SLCO5A1: variants seen among roughly 807,000 people sequenced by gnomAD.
SLCO5A1 encodes the protein organic anion transporter polypeptide-related protein 4.
In SLCO5A1, 39 loss-of-function variants were observed where a neutral mutation model predicts 65.1. The observed-to-expected ratio is 0.60, with a 90% confidence interval of 0.46 to 0.78. The LOEUF (loss-of-function observed/expected upper bound fraction) is 0.78. SLCO5A1 is among the 30% of genes least tolerant of loss of function. The pLI is 0.00. For synonymous variants in SLCO5A1, 438 were observed against 415.7 expected (o/e 1.05, Z -0.65); for missense variants, 1,029 against 1,069.4 (o/e 0.96, Z 0.53).
At chr8:69,675,429 G>A (rs1226902575) in intron 9 of SLCO5A1, among the ~76,000 whole-genome samples, 6 of 151,964 alleles carry the variant, frequency 3.9e-5, no homozygotes, top group Non-Finnish European at 5.9e-5. Flanking sequence ...CACTCACCTC[G>A]GCCTCCCAAA....
At chr8:69,715,294 C>CT (rs1399737593) in intron 5 of SLCO5A1, among the ~76,000 whole-genome samples, 1 of 152,170 alleles carries the variant, frequency 6.6e-6, no homozygotes, top group Admixed American at 6.5e-5. Context: ...ACCTTATTAA[C>CT]TTTTTCAGCT....
At chr8:69,729,052 C>A (rs1282448724) in intron 5 of SLCO5A1, among the ~76,000 whole-genome samples, 2 of 152,092 alleles carry the variant, frequency 1.3e-5, no homozygotes, top group Non-Finnish European at 1.5e-5. Context: ...TTTGTCATGA[C>A]AGAAACCACA....
chr8:69,823,073 C>A (rs530821151), intron 2 of SLCO5A1, among the ~76,000 whole-genome samples: 1 of 152,298 alleles, frequency 6.6e-6, no homozygotes, highest in Admixed American at 6.5e-5. Context: ...CTTTTCCTAC[C>A]TAGTTCGGCA....
intron 6 of SLCO5A1, among the ~76,000 whole-genome samples, chr8:69,693,733 C>G (rs1814372865): frequency 6.6e-6 from 1 of 152,070 alleles, no homozygotes; most frequent in Admixed American, 6.5e-5. Flanking sequence ...GAATTTTATC[C>G]CATTTTATCC....
chr8:69,762,631 G>A (rs1586770427), intron 2 of SLCO5A1, among the ~76,000 whole-genome samples: 1 of 152,086 alleles, frequency 6.6e-6, no homozygotes, highest in Admixed American at 6.6e-5. Context: ...AAAAAAAAAG[G>A]AAAAAGTAGG....
At chr8:69,720,294 G>A (rs1054042405) in intron 5 of SLCO5A1, among the ~76,000 whole-genome samples, 6 of 152,262 alleles carry the variant, frequency 3.9e-5, no homozygotes, top group Non-Finnish European at 8.8e-5. Context: ...AAGTGCGAAT[G>A]TAATGTACCT....
chr8:69,763,771 A>G (rs779463279), intron 2 of SLCO5A1, among the ~76,000 whole-genome samples: 9 of 152,018 alleles, frequency 5.9e-5, no homozygotes, highest in East Asian at 1.9e-4. Context: ...TAAAATTTTA[A>G]GATAGGATAT....
At chr8:69,682,605 T>C (rs1813832163) in intron 6 of SLCO5A1, among the ~76,000 whole-genome samples, 1 of 152,212 alleles carries the variant, frequency 6.6e-6, no homozygotes, top group Admixed American at 6.5e-5. Flanking sequence ...CCCTCCCTCT[T>C]GGTGCTATGA....
intron 2 of SLCO5A1, among the ~76,000 whole-genome samples, chr8:69,788,775 T>G (rs548716001): frequency 6.6e-6 from 1 of 152,330 alleles, no homozygotes; most frequent in East Asian, 1.9e-4. Flanking sequence ...GATGCTTCCC[T>G]ACTGTGTACC....
At chr8:69,735,113 C>T (rs990614868) in intron 5 of SLCO5A1, among the ~76,000 whole-genome samples, 3 of 152,186 alleles carry the variant, frequency 2.0e-5, no homozygotes, top group African/African-American at 7.2e-5. Context: ...ATCAAAATCA[C>T]AGTGAGATGC....
intron 2 of SLCO5A1, among the ~76,000 whole-genome samples, chr8:69,782,889 G>C (rs1288084236): frequency 6.6e-6 from 1 of 152,156 alleles, no homozygotes; most frequent in East Asian, 1.9e-4. Context: ...TCATATTCAA[G>C]AGGTTCGTAA....
intron 5 of SLCO5A1, among the ~76,000 whole-genome samples, chr8:69,712,692 A>G (rs935056923): frequency 6.6e-6 from 1 of 152,138 alleles, no homozygotes. Context: ...TTTATTCTCT[A>G]TCTTTCTGTT....
At chr8:69,695,312 T>A (rs558360936) in intron 6 of SLCO5A1, among the ~76,000 whole-genome samples, 2 of 152,052 alleles carry the variant, frequency 1.3e-5, no homozygotes, top group Non-Finnish European at 2.9e-5. Context: ...CTGGCCAACA[T>A]GGTAAAACCC....
intron 8 of SLCO5A1, 79 bp downstream of exon 8, chr8:69,679,299 A>G (rs570146902): frequency 4.0e-4 from 626 of 1,576,204 alleles, no homozygotes; most frequent in Non-Finnish European, 5.2e-4. Flanking sequence ...GATTTACCAC[A>G]TAAGCCCCTT....
chr8:69,669,815 CAA>C lies in SLCO5A1; in HGVS notation c.*3052_*3053del, dbSNP rs60084340. 87 of 144,238 alleles carry C rather than the reference CAA, an allele frequency of 6.0e-4. No individual in the cohort carries two copies. The highest frequency in any genetic ancestry group is 5.1e-4 in the African/African-American group (20 of 39,112). The allele number at this position is 144,238 out of a possible 1,614,324, so 8.9% of individuals were successfully genotyped here. A position where few individuals can be genotyped will look rare whatever the true frequency, so the allele number is the denominator to read the frequency against. On this transcript the variant is annotated 3_prime_UTR_variant, in exon 10 of 10. Coordinates refer to ENST00000260126, the MANE Select transcript of SLCO5A1 (RefSeq NM_030958.3). ...TGGGTGACAGAGCAAGACTCTGTCT[CAA>C]AAAAAAAAAAAGAATCAAATCTTTG...
chr8:69,711,304 TTGCGCCTCTCACCAC>T (rs777692021), intron 5 of SLCO5A1, among the ~76,000 whole-genome samples: 56 of 152,130 alleles, frequency 3.7e-4, no homozygotes, highest in Non-Finnish European at 6.6e-4. Context: ...CGCCGCTCCG[TTGCGCCTCTCACCAC>T]TGCGCACCTC....
At chr8:69,744,275 C>T (rs889918813) in intron 4 of SLCO5A1, among the ~76,000 whole-genome samples, 34 of 152,320 alleles carry the variant, frequency 2.2e-4, no homozygotes, top group African/African-American at 6.7e-4. Flanking sequence ...CCACTGAGTG[C>T]GCCAGGCCTG....
intron 6 of SLCO5A1, among the ~76,000 whole-genome samples, chr8:69,692,907 T>G (rs989170075): frequency 6.6e-6 from 1 of 152,210 alleles, no homozygotes; most frequent in Non-Finnish European, 1.5e-5. Flanking sequence ...TGATTAAAAG[T>G]ATAGTATAGT....
chr8:69,755,561 G>C lies in SLCO5A1; in HGVS notation c.1121C>G (p.Pro374Arg). Residue 374 changes from proline to arginine, a missense_variant, in exon 4 of 10, where the codon CCT becomes CGT. Transcript: ENST00000260126. Reference protein sequence around the residue: ...PMFTFPKKLPPRHKKKKKKKF... With the variant: ...PMFTFPKKLPRRHKKKKKKKF... ...TTTCTTTTTCTTTTTCTTGTGTCGA[G>C]GTGGAAGCTTTTTTGGGAAAGTAAA... is the stretch of plus-strand genomic sequence containing the variant. 6.2e-7 allele frequency: 1 copy of C among 1,613,876 alleles called. No individual in the cohort carries two copies. Among genetic ancestry groups the C allele is most frequent in the Non-Finnish European group, 8.5e-7 (1 of 1,179,962 alleles).
Sources: allele counts gnomAD v4.1 joint callset (sites outside exome capture counted in the v4.1 genomes callset), GRCh38; gene constraint gnomAD v4.1.1; transcripts MANE v1.5; gene names NCBI Gene and HGNC (gene_info 2026-07-23, HGNC 2026-07-21).